HEPACAM: variants seen among roughly 807,000 people sequenced by gnomAD.
HEPACAM encodes the protein hepatic and glial cell adhesion molecule, also known as hepatocyte cell adhesion molecule.
Under a neutral mutation model 38.3 loss-of-function variants are expected in HEPACAM, and 18 were observed. The ratio of observed to expected loss-of-function variants is 0.47; its 90% confidence interval spans 0.33 to 0.70. The LOEUF (loss-of-function observed/expected upper bound fraction) is 0.70, where lower values mean the gene tolerates loss of function less well. HEPACAM is among the 30% of genes least tolerant of loss of function. The probability of loss-of-function intolerance (pLI) is 0.03; values close to 1 mark genes in which losing one functional copy is unlikely to be tolerated. For synonymous variants in HEPACAM, 216 were observed against 243.1 expected, an observed-to-expected ratio of 0.89 and a Z score of 1.04; for missense variants, 466 against 563.0, an observed-to-expected ratio of 0.83 and a Z score of 1.74.
chr11:124,932,413 A>G (rs1218836203), intron 1 of HEPACAM, among the ~76,000 whole-genome samples: 1 of 152,242 alleles, frequency 6.6e-6, no homozygotes, highest in East Asian at 1.9e-4. Flanking sequence ...CTGTCAGTTA[A>G]TGTCCTGGTC....
intron 1 of HEPACAM, among the ~76,000 whole-genome samples, chr11:124,933,867 G>A (rs1177651264): frequency 6.6e-6 from 1 of 152,138 alleles, no homozygotes; most frequent in Non-Finnish European, 1.5e-5. Flanking sequence ...CAGGCTTCTA[G>A]TCCTTCTGTC....
intron 1 of HEPACAM, among the ~76,000 whole-genome samples, chr11:124,925,419 T>G (rs1947195739): frequency 6.6e-6 from 1 of 152,234 alleles, no homozygotes; most frequent in African/African-American, 2.4e-5. Flanking sequence ...CAGACACTTT[T>G]CTATGTCTTT....
At chr11:124,930,983 G>A (rs1947275382) in intron 1 of HEPACAM, among the ~76,000 whole-genome samples, 1 of 152,170 alleles carries the variant, frequency 6.6e-6, no homozygotes, top group African/African-American at 2.4e-5. Context: ...AGAAGGAAAT[G>A]ATACTTTAGA....
At position 124,933,759 on chromosome 11, in the gene HEPACAM, C is replaced by T. The variant is rs140160020; in HGVS notation, c.85+2163G>A. Among the ~76,000 whole-genome samples, 17 of 152,266 alleles carry T rather than the reference C, an allele frequency of 1.1e-4. 1 individual carries two copies. Among genetic ancestry groups the T allele is most frequent in the African/African-American group, 3.9e-4 (16 of 41,550 alleles). On this transcript the variant is annotated intron_variant, in intron 1 of 6. Transcript: ENST00000298251. ...TCTTAATTGCCTTATCCAATGGGCT[C>T]TTTTGGGTCTTTGTCACATTGGATC...
In HEPACAM at chr11:124,920,176, T is replaced by G. The variant is rs1028662321; in HGVS notation, c.*962A>C. The G allele has an allele frequency of 3.2e-6, 3 of 924,694 alleles. No homozygotes were observed. Among genetic ancestry groups the G allele is most frequent in the Non-Finnish European group, 3.3e-6 (2 of 612,972 alleles). 57.3% of individuals were successfully genotyped at this position (924,694 alleles called of 1,614,324 possible). ...CCATTTCTCTGGAGATTAGGACTTA[T>G]TCTCACAGCTGGAGGAAGCTCAACA... On this transcript the variant is annotated 3_prime_UTR_variant, in exon 7 of 7. Coordinates refer to ENST00000298251, the MANE Select transcript of HEPACAM (RefSeq NM_152722.5).
Position 124,920,272 on chromosome 11 carries a change from AT to A in HEPACAM, c.*865del. 1 of 995,530 alleles carries A rather than the reference AT, an allele frequency of 1.0e-6. No individual in the cohort carries two copies. The highest frequency in any genetic ancestry group is 1.5e-6 in the Non-Finnish European group (1 of 679,418). 61.7% of individuals were successfully genotyped at this position (995,530 alleles called of 1,614,324 possible). A position where few individuals can be genotyped will look rare whatever the true frequency, so the allele number is the denominator to read the frequency against. ...AAGCCAGGAGGAATATATGAGTTTGATGAGCTAAAACAGTTCCTCATTTGGT... is the reference window on the plus strand; with the variant it reads ...AAGCCAGGAGGAATATATGAGTTTGAGAGCTAAAACAGTTCCTCATTTGGT... On this transcript the variant is annotated 3_prime_UTR_variant, in exon 7 of 7. Coordinates refer to ENST00000298251, the MANE Select transcript of HEPACAM (RefSeq NM_152722.5).
intron 1 of HEPACAM, among the ~76,000 whole-genome samples, chr11:124,930,481 A>T (rs1404743130): frequency 2.0e-5 from 3 of 152,252 alleles, no homozygotes; most frequent in Non-Finnish European, 4.4e-5. Context: ...TTTTATCTAC[A>T]ATCTAAGGAG....
intron 1 of HEPACAM, among the ~76,000 whole-genome samples, chr11:124,935,428 G>C (rs1947330692): frequency 6.6e-6 from 1 of 152,110 alleles, no homozygotes; most frequent in Admixed American, 6.5e-5. Flanking sequence ...GGAGTGGAGT[G>C]AATTATGGAT....
intron 1 of HEPACAM, among the ~76,000 whole-genome samples, chr11:124,933,291 C>T (rs4523708): frequency 0.031 from 4,748 of 152,160 alleles, 94 homozygotes; most frequent in East Asian, 0.081. Context: ...CCCACCTCAG[C>T]CTCCTGAGTA....
rs1348211442 is a variant in HEPACAM at position 124,919,504 on chromosome 11, T to C, written c.*1634A>G. 3.3e-5 allele frequency: 18 copies of C among 551,080 alleles called. No homozygotes were observed. The highest frequency in any genetic ancestry group is 9.4e-4 in the Middle Eastern group (2 of 2,122). The allele number at this position is 551,080 out of a possible 1,614,324, so 34.1% of individuals were successfully genotyped here. On this transcript the variant is annotated 3_prime_UTR_variant, in exon 7 of 7. Coordinates refer to ENST00000298251, the MANE Select transcript of HEPACAM (RefSeq NM_152722.5). ...TCAAGGCTGACCAGCAGGTACTCCT[T>C]ATCCAAGTCCTGCTGCCTCTTCCAC...
intron 1 of HEPACAM, among the ~76,000 whole-genome samples, chr11:124,929,916 C>CA (rs1947262470): frequency 6.6e-6 from 1 of 152,166 alleles, no homozygotes; most frequent in African/African-American, 2.4e-5. Flanking sequence ...CTTAAATTTA[C>CA]CTTTTAAAAG....
In HEPACAM at chr11:124,935,907, C is replaced by T; in HGVS notation, c.85+15G>A. 1 of 1,612,460 alleles carries T rather than the reference C, an allele frequency of 6.2e-7. No individual in the cohort carries two copies. The highest frequency in any genetic ancestry group is 8.5e-7 in the Non-Finnish European group (1 of 1,178,614). The stretch of plus-strand genomic sequence containing the variant: ...GTCCTTTCTTCAGACCCTTTCTTAC[C>T]CTCTGGCCTCCTACCTGTCTGGATC... On this transcript the variant is annotated intron_variant, in intron 1 of 6. Transcript: ENST00000298251.
chr11:124,922,408 G>A lies in HEPACAM; in HGVS notation c.928C>T (p.Leu310Phe), dbSNP rs775137870. Residue 310 changes from leucine to phenylalanine, a missense_variant, in exon 6 of 7, where the codon CTC (leucine) becomes TTC (phenylalanine). By Grantham distance (22) the Leu-to-Phe change is conservative. Coordinates refer to ENST00000298251, the MANE Select transcript of HEPACAM (RefSeq NM_152722.5). ...GEQERKNPMALYILKDKDSPE... is the reference protein window; with the variant it reads ...GEQERKNPMAFYILKDKDSPE... ...CTCACCTTGTCCTTCAGGATATAGA[G>A]TGCCATGGGGTTCTTCCGTTCCTGC... 3 of 1,614,056 alleles carry A rather than the reference G, an allele frequency of 1.9e-6. No homozygotes were observed. The highest frequency in any genetic ancestry group is 2.5e-6 in the Non-Finnish European group (3 of 1,180,038).
At chr11:124,935,787 G>A (rs1367800131) in intron 1 of HEPACAM, 135 bp downstream of exon 1, 7 of 759,890 alleles carry the variant, frequency 9.2e-6, no homozygotes, top group Non-Finnish European at 1.6e-5. Flanking sequence ...TGAATTCCCT[G>A]ACATGTTTCC....
rs374953883 is a variant in HEPACAM, at chr11:124,923,332, A to G, written c.803+8T>C. The G allele has an allele frequency of 1.5e-4, 232 of 1,594,092 alleles. No individual in the cohort carries two copies. The Middle Eastern group carries it at 1.7e-3, about 11-fold the overall frequency. ...AAGGACTCAGGTGCTCAGGAGAGTT[A>G]CCCAGACCTTTTGGAGGGTTTCCAG... is the stretch of plus-strand genomic sequence containing the variant. On this transcript the variant is annotated splice_region_variant and intron_variant, in intron 4 of 6. Transcript: ENST00000298251.
At chr11:124,923,688 G>T in intron 3 of HEPACAM, 41 bp downstream of exon 3, 1 of 1,611,142 alleles carries the variant, frequency 6.2e-7, no homozygotes, top group Non-Finnish European at 8.5e-7. Context: ...CCTGCCTCTT[G>T]GGGCTTTGAG....
rs375152348 is a variant in HEPACAM, at chr11:124,919,760, T to C, written c.*1378A>G. On this transcript the variant is annotated 3_prime_UTR_variant, in exon 7 of 7. Coordinates refer to ENST00000298251, the MANE Select transcript of HEPACAM (RefSeq NM_152722.5). The stretch of plus-strand genomic sequence containing the variant: ...ACCTGGTGTGGAGGTGATGGGTAAC[T>C]GGGGCCTTGGAATTGCTCCATGGGT... 4 of 1,613,774 alleles carry C rather than the reference T, an allele frequency of 2.5e-6. No individual in the cohort carries two copies. The highest frequency in any genetic ancestry group is 1.1e-5 in the South Asian group (1 of 91,060).
At position 124,921,132 on chromosome 11, in the gene HEPACAM, G is replaced by A. The variant is rs1947128147; in HGVS notation, c.*6C>T. ...GCGGGCGCCTCTCAGGGGATCCCGA[G>A]GCGGCTCAGGCGCTGATCTCCACCG... On this transcript the variant is annotated 3_prime_UTR_variant, in exon 7 of 7. Coordinates refer to ENST00000298251, the MANE Select transcript of HEPACAM (RefSeq NM_152722.5). The surrounding 1 kb of genome is among the most constrained non-coding windows in gnomAD (Gnocchi z 4.6). 6.6e-7 allele frequency: 1 copy of A among 1,525,384 alleles called. No individual in the cohort carries two copies. The highest frequency in any genetic ancestry group is 8.7e-7 in the Non-Finnish European group (1 of 1,143,106). The allele number at this position is 1,525,384 out of a possible 1,614,324, so 94.5% of individuals were successfully genotyped here.
In HEPACAM at chr11:124,923,884, T is replaced by G. The variant is rs1236696066; in HGVS notation, c.554A>C (p.Lys185Thr). 14 of 1,613,858 alleles carry G rather than the reference T, an allele frequency of 8.7e-6. No homozygotes were observed. The highest frequency in any genetic ancestry group is 1.2e-5 in the Non-Finnish European group (14 of 1,180,034). The change falls in exon 3 of 7, where the codon AAG becomes ACG. Residue 185 changes from lysine to threonine, a missense_variant. Transcript: ENST00000298251. ...KPSYTWLKDGKPLLNDSRMLL... is the reference protein window; with the variant it reads ...KPSYTWLKDGTPLLNDSRMLL... ...CATTCTCGAGTCATTGAGGAGGGGC[T>G]TGCCATCCTTCAGCCAGGTGTAGCT...
Sources: allele counts gnomAD v4.1 joint callset (sites outside exome capture counted in the v4.1 genomes callset), GRCh38; gene constraint gnomAD v4.1.1; non-coding constraint Gnocchi (gnomAD v3.1); transcripts MANE v1.5; gene names NCBI Gene and HGNC (gene_info 2026-07-23, HGNC 2026-07-21).